The following SLC38A11 variants were observed in gnomAD, a reference collection of about 807,000 sequenced individuals.
SLC38A11 encodes the protein putative sodium-coupled neutral amino acid transporter 11.
Under a neutral mutation model 49.4 loss-of-function variants are expected in SLC38A11, and 51 were observed. That is an observed-to-expected ratio of 1.03 (90% CI 0.83 to 1.30). SLC38A11 has a LOEUF of 1.30. SLC38A11 is among the 50% of genes most tolerant of loss of function. The pLI, the probability that SLC38A11 is intolerant of heterozygous loss-of-function variation, is 0.00. For synonymous variants in SLC38A11, 203 were observed against 192.9 expected, an observed-to-expected ratio of 1.05 and a Z score of -0.43; for missense variants, 574 against 556.2, an observed-to-expected ratio of 1.03 and a Z score of -0.32.
At chr2:164,913,045 C>G (rs555817220) in intron 9 of SLC38A11, among the ~76,000 whole-genome samples, 2 of 151,960 alleles carry the variant, frequency 1.3e-5, no homozygotes, top group African/African-American at 4.8e-5. Flanking sequence ...GATCAATACT[C>G]AATACTACAC....
intron 11 of SLC38A11, among the ~76,000 whole-genome samples, chr2:164,902,698 T>C (rs1684738906): frequency 6.6e-6 from 1 of 152,140 alleles, no homozygotes; most frequent in Non-Finnish European, 1.5e-5. Context: ...CACCAGTTAA[T>C]AAAATTACTG....
chr2:164,936,072 T>A (rs1004537300), intron 7 of SLC38A11, among the ~76,000 whole-genome samples: 1 of 152,240 alleles, frequency 6.6e-6, no homozygotes, highest in Admixed American at 6.5e-5. Flanking sequence ...ACTCGGTTTA[T>A]GTTTTTTTGT....
intron 3 of SLC38A11, among the ~76,000 whole-genome samples, chr2:164,949,547 C>T (rs1574015845): frequency 1.3e-5 from 2 of 152,328 alleles, no homozygotes; most frequent in South Asian, 2.1e-4. Flanking sequence ...GGTGAACCAC[C>T]GTGCCCAGTC....
At chr2:164,919,946 T>G (rs1686065844) in intron 7 of SLC38A11, among the ~76,000 whole-genome samples, 1 of 152,130 alleles carries the variant, frequency 6.6e-6, no homozygotes, top group Non-Finnish European at 1.5e-5. Context: ...CAAGGTATTC[T>G]ATTTACAGCC....
In SLC38A11 at chr2:164,896,538, A is replaced by AT. The variant is rs1401734137; in HGVS notation, c.*1898dup. ...AATGTAATGACAGACTGTGGCAAAA[A>AT]TTTCTTACATTTCCTCATTTCTTAC... On this transcript the variant is annotated 3_prime_UTR_variant, in exon 12 of 12. Coordinates refer to ENST00000685975, the MANE Select transcript of SLC38A11 (RefSeq NM_001351537.2). The AT allele has an allele frequency of 6.6e-6, 1 of 152,126 alleles. No homozygotes were observed. Among genetic ancestry groups the AT allele is most frequent in the Non-Finnish European group, 1.5e-5 (1 of 68,016 alleles). 9.4% of individuals were successfully genotyped at this position (152,126 alleles called of 1,614,324 possible).
rs1033139801 is a variant in SLC38A11, at chr2:164,897,306, G to T, written c.*1131C>A. 1.3e-5 allele frequency: 2 copies of T among 152,178 alleles called. No homozygotes were observed. The highest frequency in any genetic ancestry group is 2.4e-5 in the African/African-American group (1 of 41,418). 9.4% of individuals were successfully genotyped at this position (152,178 alleles called of 1,614,324 possible). A position where few individuals can be genotyped will look rare whatever the true frequency, so the allele number is the denominator to read the frequency against. On this transcript the variant is annotated 3_prime_UTR_variant, in exon 12 of 12. Transcript: ENST00000685975. ...TGCTGCAAAGAGCTGCCTAGCCCAA[G>T]AACTCATCCTTCTCCAGATGCTCAC... is the stretch of plus-strand genomic sequence containing the variant.
chr2:164,918,276 A>G (rs1386509772), intron 7 of SLC38A11, among the ~76,000 whole-genome samples: 1 of 152,128 alleles, frequency 6.6e-6, no homozygotes, highest in Non-Finnish European at 1.5e-5. Context: ...TTTTTCAATA[A>G]ATGCAAGGGG....
Position 164,937,337 on chromosome 2 carries a change from C to T in SLC38A11, c.617+13G>A. On this transcript the variant is annotated intron_variant, in intron 7 of 11. Transcript: ENST00000685975. Reference sequence around the variant, plus strand: ...ATAAATCAAAGACTGACAAATATAACAACATAACTTACATGTGTGGACCCA... The same window carrying T: ...ATAAATCAAAGACTGACAAATATAATAACATAACTTACATGTGTGGACCCA... 1 of 1,569,606 alleles carries T rather than the reference C, an allele frequency of 6.4e-7. No individual in the cohort carries two copies. Among genetic ancestry groups the T allele is most frequent in the Non-Finnish European group, 8.8e-7 (1 of 1,140,826 alleles).
chr2:164,924,706 C>T (rs1476047944), intron 7 of SLC38A11, among the ~76,000 whole-genome samples: 2 of 151,616 alleles, frequency 1.3e-5, no homozygotes, highest in East Asian at 3.9e-4. Flanking sequence ...TAATTTTTTG[C>T]TGAAATATAA....
At chr2:164,926,721 G>A (rs1235174277) in intron 7 of SLC38A11, among the ~76,000 whole-genome samples, 3 of 151,996 alleles carry the variant, frequency 2.0e-5, no homozygotes, top group Non-Finnish European at 4.4e-5. Context: ...TAGGGACATG[G>A]ATGAAGCTGG....
chr2:164,946,020 T>A (rs1688082319), intron 3 of SLC38A11, among the ~76,000 whole-genome samples: 1 of 152,222 alleles, frequency 6.6e-6, no homozygotes, highest in African/African-American at 2.4e-5. Context: ...GTGTTCCATT[T>A]TACTTTCCTG....
intron 2 of SLC38A11, among the ~76,000 whole-genome samples, chr2:164,953,461 G>T (rs1174800459): frequency 1.3e-5 from 2 of 152,164 alleles, no homozygotes; most frequent in Non-Finnish European, 2.9e-5. Context: ...CAGTGGTACT[G>T]TTTAGCATTG....
chr2:164,946,906 T>C (rs1030648329), intron 3 of SLC38A11, among the ~76,000 whole-genome samples: 1 of 152,124 alleles, frequency 6.6e-6, no homozygotes, highest in Non-Finnish European at 1.5e-5. Context: ...ATCCAGTTGA[T>C]ACTTCCTAGA....
At chr2:164,929,366 T>C (rs1021303018) in intron 7 of SLC38A11, among the ~76,000 whole-genome samples, 4 of 152,184 alleles carry the variant, frequency 2.6e-5, no homozygotes, top group African/African-American at 9.6e-5. Flanking sequence ...GGTGTGGGCA[T>C]GTAACCTAAA....
At chr2:164,917,993 G>T (rs1685918313) in intron 7 of SLC38A11, among the ~76,000 whole-genome samples, 1 of 151,820 alleles carries the variant, frequency 6.6e-6, no homozygotes, top group South Asian at 2.1e-4. Context: ...TAAATCTAGG[G>T]AAAGAGAAGG....
intron 4 of SLC38A11, 98 bp downstream of exon 4, chr2:164,945,495 A>C: frequency 8.7e-7 from 1 of 1,151,454 alleles, no homozygotes; most frequent in Non-Finnish European, 1.2e-6. Context: ...TTCAACTGCT[A>C]TAGTGATATT....
At chr2:164,915,868 A>G in intron 8 of SLC38A11, 35 bp downstream of exon 8, 1 of 1,521,000 alleles carries the variant, frequency 6.6e-7, no homozygotes, top group Non-Finnish European at 9.1e-7. Flanking sequence ...AGAGAACTCC[A>G]CATTGAGAAA....
intron 7 of SLC38A11, among the ~76,000 whole-genome samples, chr2:164,927,519 C>A (rs567082583): frequency 2.6e-5 from 4 of 152,116 alleles, no homozygotes; most frequent in Non-Finnish European, 4.4e-5. Context: ...TATGGTAGCT[C>A]CCCCAGCGAA....
chr2:164,919,829 C>T (rs1360117633), intron 7 of SLC38A11, among the ~76,000 whole-genome samples: 1 of 152,066 alleles, frequency 6.6e-6, no homozygotes, highest in Non-Finnish European at 1.5e-5. Context: ...TGTGTCTGCA[C>T]ATGCAGAAGC....
Sources: gnomAD v4.1 joint callset for allele counts (sites outside exome capture counted in the v4.1 genomes callset) on GRCh38, gnomAD v4.1.1 for gene constraint, MANE v1.5 for transcripts, NCBI Gene and HGNC (gene_info 2026-07-23, HGNC 2026-07-21) for gene names.